AEBP2: variants seen among roughly 807,000 people sequenced by gnomAD.
AEBP2 encodes the protein AE binding protein 2.
In AEBP2, 10 loss-of-function variants were observed where a neutral mutation model predicts 50.8. That is an observed-to-expected ratio of 0.20 (90% CI 0.12 to 0.33). The LOEUF (loss-of-function observed/expected upper bound fraction) is 0.33. Among genes scored for constraint, AEBP2 ranks in the 10% least tolerant of loss-of-function variants. AEBP2 has a pLI of 1.00. For synonymous variants in AEBP2, 296 were observed against 261.3 expected (o/e 1.13, Z -1.28); for missense variants, 570 against 688.0 (o/e 0.83, Z 1.92).
intron 3 of AEBP2, among the ~76,000 whole-genome samples, chr12:19,491,453 G>A (rs920849026): frequency 1.7e-4 from 26 of 151,994 alleles, no homozygotes; most frequent in African/African-American, 6.0e-4. Context: ...TGTATGTTTT[G>A]CGGAACATAT....
chr12:19,488,657 G>A (rs1948851145), intron 3 of AEBP2, among the ~76,000 whole-genome samples: 1 of 152,072 alleles, frequency 6.6e-6, no homozygotes, highest in African/African-American at 2.4e-5. Context: ...GGACTTCTGG[G>A]AATATGAATA....
At chr12:19,450,628 GA>G (rs1298908151) in intron 1 of AEBP2, among the ~76,000 whole-genome samples, 1 of 139,654 alleles carries the variant, frequency 7.2e-6, no homozygotes, top group Non-Finnish European at 1.5e-5. Flanking sequence ...CCAGGAGTTT[GA>G]GACCAGCCTA....
At chr12:19,455,591 CTA>C (rs1457696483) in intron 1 of AEBP2, among the ~76,000 whole-genome samples, 1 of 152,132 alleles carries the variant, frequency 6.6e-6, no homozygotes, top group African/African-American at 2.4e-5. Context: ...AGATACTTGC[CTA>C]GAAGTAATTT....
chr12:19,439,454 G>T (rs939513513), upstream of AEBP2, among the ~76,000 whole-genome samples: 3 of 151,460 alleles, frequency 2.0e-5, no homozygotes, highest in East Asian at 3.9e-4. Context: ...CCGCAGCCGG[G>T]GGAGGTGCTG....
intron 1 of AEBP2, among the ~76,000 whole-genome samples, chr12:19,421,143 G>A (rs1035194239): frequency 7.9e-5 from 12 of 151,876 alleles, no homozygotes; most frequent in African/African-American, 2.4e-4. Context: ...TCAGGAGTTC[G>A]AGACCAGCCT....
chr12:19,500,852 A>G (rs983029510), intron 5 of AEBP2, among the ~76,000 whole-genome samples: 1 of 152,080 alleles, frequency 6.6e-6, no homozygotes, highest in East Asian at 1.9e-4. Flanking sequence ...GAATAAATAC[A>G]TTTTATTTTT....
chr12:19,481,801 T>G (rs1948734121), intron 3 of AEBP2, among the ~76,000 whole-genome samples: 1 of 152,228 alleles, frequency 6.6e-6, no homozygotes, highest in African/African-American at 2.4e-5. Context: ...TCTGTTTCTC[T>G]AAGTGTGACT....
chr12:19,518,077 C>T lies in AEBP2; in HGVS notation c.1482-10C>T, dbSNP rs757081762. On this transcript the variant is annotated splice_polypyrimidine_tract_variant and intron_variant, in intron 7 of 7. Coordinates refer to ENST00000266508, the MANE Select transcript of AEBP2 (RefSeq NM_153207.5). ...GTTGAATAAAAGGATTTCTTTTTCT[C>T]TTTTTCTAGAACAATGCCGCAGAAG... 3.1e-6 allele frequency: 5 copies of T among 1,592,876 alleles called. No homozygotes were observed. The highest frequency in any genetic ancestry group is 4.3e-6 in the Non-Finnish European group (5 of 1,169,794).
At chr12:19,458,431 C>T (rs1028767118) in intron 1 of AEBP2, among the ~76,000 whole-genome samples, 15 of 152,204 alleles carry the variant, frequency 9.9e-5, no homozygotes, top group African/African-American at 3.6e-4. Context: ...ACGTGCCTCT[C>T]ACCTTGTCTG....
chr12:19,453,610 G>A (rs941980342), intron 1 of AEBP2, among the ~76,000 whole-genome samples: 2 of 151,862 alleles, frequency 1.3e-5, no homozygotes. Flanking sequence ...TTTTATTAGA[G>A]ATGGGGTTTT....
chr12:19,417,096 C>G (rs1325743112), intron 1 of AEBP2, among the ~76,000 whole-genome samples: 1 of 151,034 alleles, frequency 6.6e-6, no homozygotes, highest in African/African-American at 2.4e-5. Context: ...TGGTCTCGAT[C>G]TCCTGATCTC....
intron 2 of AEBP2, among the ~76,000 whole-genome samples, chr12:19,465,835 G>A (rs1007575704): frequency 2.2e-4 from 32 of 145,314 alleles, no homozygotes; most frequent in African/African-American, 7.1e-4. Context: ...TCTGTTTCCC[G>A]GGCTGGAGTG....
At chr12:19,497,834 C>T (rs75531462) in intron 4 of AEBP2, among the ~76,000 whole-genome samples, 413 of 152,214 alleles carry the variant, frequency 2.7e-3, no homozygotes, top group African/African-American at 9.5e-3. Context: ...ACAGTCTTAA[C>T]GTATGTAATT....
intron 4 of AEBP2, among the ~76,000 whole-genome samples, chr12:19,494,991 C>T (rs1026306919): frequency 1.3e-5 from 2 of 151,898 alleles, no homozygotes; most frequent in East Asian, 1.9e-4. Flanking sequence ...ACTGCAACCT[C>T]CGACTTCCGG....
chr12:19,463,159 CATT>C (rs1948408153), intron 2 of AEBP2, among the ~76,000 whole-genome samples: 1 of 152,084 alleles, frequency 6.6e-6, no homozygotes, highest in African/African-American at 2.4e-5. Flanking sequence ...AACCTGAACT[CATT>C]ATTTGTGAGT....
At chr12:19,463,169 G>A (rs1183996012) in intron 2 of AEBP2, among the ~76,000 whole-genome samples, 1 of 152,152 alleles carries the variant, frequency 6.6e-6, no homozygotes, top group East Asian at 1.9e-4. Context: ...CATTATTTGT[G>A]AGTGAGAATT....
At chr12:19,447,324 C>G (rs1948089603) in intron 1 of AEBP2, among the ~76,000 whole-genome samples, 1 of 152,204 alleles carries the variant, frequency 6.6e-6, no homozygotes, top group South Asian at 2.1e-4. Context: ...TGTCAGCATT[C>G]CGAGTTCTTT....
chr12:19,439,670 G>C lies in AEBP2; in HGVS notation c.-30G>C. On this transcript the variant is annotated 5_prime_UTR_variant, in exon 1 of 8. Coordinates refer to ENST00000266508, the MANE Select transcript of AEBP2 (RefSeq NM_153207.5). ...CGAGAGAGGGAGGCGGCGGTGGGGA[G>C]GAGGAGGAGGAGGAGGAGCAGGCGC... 8.4e-7 allele frequency: 1 copy of C among 1,191,166 alleles called. No individual in the cohort carries two copies. The highest frequency in any genetic ancestry group is 1.1e-6 in the Non-Finnish European group (1 of 912,422). 73.8% of individuals were successfully genotyped at this position (1,191,166 alleles called of 1,614,324 possible). A position where few individuals can be genotyped will look rare whatever the true frequency, so the allele number is the denominator to read the frequency against.
upstream of AEBP2, among the ~76,000 whole-genome samples, chr12:19,435,127 C>T (rs1362681511): frequency 6.6e-6 from 1 of 150,492 alleles, no homozygotes; most frequent in Non-Finnish European, 1.5e-5. Flanking sequence ...ACATACCTGT[C>T]AGAACTTTTT....
Sources: allele counts gnomAD v4.1 joint callset (sites outside exome capture counted in the v4.1 genomes callset), GRCh38; gene constraint gnomAD v4.1.1; transcripts MANE v1.5; gene names NCBI Gene and HGNC (gene_info 2026-07-23, HGNC 2026-07-21).